The following RBPJ variants were observed in gnomAD, a reference collection of about 807,000 sequenced individuals.
RBPJ encodes recombining binding protein suppressor of hairless.
In RBPJ, 9 loss-of-function variants were observed where a neutral mutation model predicts 67.8. The observed-to-expected ratio is 0.13, with a 90% CI of 0.08 to 0.23. The LOEUF (loss-of-function observed/expected upper bound fraction) is 0.23, where lower values mean the gene tolerates loss of function less well. Among genes scored for constraint, RBPJ ranks in the 10% least tolerant of loss-of-function variants. The pLI is 1.00. For synonymous variants in RBPJ, 198 were observed against 203.3 expected, an observed-to-expected ratio of 0.97 and a Z score of 0.22; for missense variants, 305 against 595.6, an observed-to-expected ratio of 0.51 and a Z score of 5.08.
chr4:26,244,260 TA>T (rs2109224043), intron 1 of RBPJ, among the ~76,000 whole-genome samples: 1 of 134,386 alleles, frequency 7.4e-6, no homozygotes, highest in African/African-American at 2.8e-5. Context: ...CACATACACA[TA>T]TGTGTACACA....
intron 1 of RBPJ, among the ~76,000 whole-genome samples, chr4:26,371,157 A>G (rs1443298822): frequency 6.6e-6 from 1 of 152,174 alleles, no homozygotes; most frequent in African/African-American, 2.4e-5. Context: ...CTTAAACATT[A>G]CAGATCAGTT....
intron 4 of RBPJ, 45 bp from the exon 5 acceptor site, chr4:26,420,502 TAAAC>T (rs776872948): frequency 1.8e-5 from 26 of 1,410,014 alleles, no homozygotes; most frequent in Non-Finnish European, 2.5e-5. Context: ...AGGTACTACA[TAAAC>T]AAACAAGGTT....
At chr4:26,386,159 A>G (rs566589923) in intron 1 of RBPJ, among the ~76,000 whole-genome samples, 194 bp from the exon 2 acceptor site, 1 of 152,214 alleles carries the variant, frequency 6.6e-6, no homozygotes, top group East Asian at 1.9e-4. Context: ...TACTTAGGGC[A>G]TGTTGTTTGC....
At chr4:26,338,241 T>C (rs13148482) in intron 1 of RBPJ, among the ~76,000 whole-genome samples, 74,057 of 147,236 alleles carry the variant, frequency 0.5, 18,832 homozygotes, top group Admixed American at 0.57. Context: ...CTGCAACCTC[T>C]GCCTCCCGGA....
chr4:26,244,393 G>A (rs200281174), intron 1 of RBPJ, among the ~76,000 whole-genome samples: 1 of 111,240 alleles, frequency 9.0e-6, no homozygotes, highest in Non-Finnish European at 1.9e-5. Context: ...GTGTATATAT[G>A]TATGCACATA....
chr4:26,307,042 A>G (rs987784402), intron 1 of RBPJ, among the ~76,000 whole-genome samples: 1 of 152,190 alleles, frequency 6.6e-6, no homozygotes, highest in Non-Finnish European at 1.5e-5. Flanking sequence ...AATAATAAAA[A>G]TAATTTAAAT....
At chr4:26,302,056 G>A (rs1162113841) in intron 1 of RBPJ, among the ~76,000 whole-genome samples, 2 of 152,200 alleles carry the variant, frequency 1.3e-5, no homozygotes, top group East Asian at 1.9e-4. Flanking sequence ...GCCTCCCAAA[G>A]TGCTGAGATT....
At chr4:26,164,160 G>A (rs1468734445) in intron 1 of RBPJ, among the ~76,000 whole-genome samples, 1 of 152,166 alleles carries the variant, frequency 6.6e-6, no homozygotes, top group African/African-American at 2.4e-5. Context: ...CTCACCGCTG[G>A]GATTTTCAGG....
chr4:26,155,334 T>C, the RBPJ span, among the ~76,000 whole-genome samples: 1 of 152,306 alleles, frequency 6.6e-6, no homozygotes, highest in East Asian at 1.9e-4. Context: ...CCTTCATGGC[T>C]GAGGTGGGGA....
chr4:26,172,452 C>A (rs1356533982), intron 1 of RBPJ, among the ~76,000 whole-genome samples: 1 of 152,148 alleles, frequency 6.6e-6, no homozygotes, highest in Non-Finnish European at 1.5e-5. Context: ...AGCAGCAATC[C>A]CCTCTGTCTC....
At chr4:26,225,233 G>A (rs1276494414) in intron 1 of RBPJ, among the ~76,000 whole-genome samples, 1 of 152,196 alleles carries the variant, frequency 6.6e-6, no homozygotes, top group Non-Finnish European at 1.5e-5. Context: ...AGAGTGGGCT[G>A]TACTGATTAA....
At chr4:26,387,921 T>C (rs1405863410) in intron 2 of RBPJ, among the ~76,000 whole-genome samples, 1 of 152,110 alleles carries the variant, frequency 6.6e-6, no homozygotes, top group African/African-American at 2.4e-5. Context: ...TGATGCTCTG[T>C]TTTCACTGGC....
intron 1 of RBPJ, among the ~76,000 whole-genome samples, chr4:26,203,067 C>G (rs1195808900): frequency 6.6e-6 from 1 of 152,158 alleles, no homozygotes; most frequent in Non-Finnish European, 1.5e-5. Flanking sequence ...ACCTCCACCG[C>G]TGGGTCAACC....
the RBPJ span, among the ~76,000 whole-genome samples, chr4:26,141,225 G>A: frequency 6.6e-6 from 1 of 152,228 alleles, no homozygotes; most frequent in South Asian, 2.1e-4. Flanking sequence ...ATTTGCTCTT[G>A]CAGTTGTTAT....
chr4:26,179,467 T>G (rs192074718), intron 1 of RBPJ, among the ~76,000 whole-genome samples: 2 of 152,036 alleles, frequency 1.3e-5, no homozygotes. Context: ...TAGAGTAATA[T>G]GAATAAGTGA....
intron 1 of RBPJ, among the ~76,000 whole-genome samples, chr4:26,194,945 G>A (rs1250237472): frequency 2.0e-5 from 3 of 152,192 alleles, no homozygotes; most frequent in Admixed American, 6.5e-5. Flanking sequence ...CCAGGTTCCT[G>A]TATGGTGATG....
chr4:26,352,634 C>T (rs574006529), intron 1 of RBPJ, among the ~76,000 whole-genome samples: 7 of 152,298 alleles, frequency 4.6e-5, no homozygotes, highest in East Asian at 1.9e-4. Flanking sequence ...ACCTGGGAGG[C>T]GGAGGTTGCA....
At chr4:26,241,069 C>A (rs1211281665) in intron 1 of RBPJ, among the ~76,000 whole-genome samples, 3 of 152,076 alleles carry the variant, frequency 2.0e-5, no homozygotes, top group African/African-American at 7.2e-5. Context: ...TGGTGGTGTG[C>A]ACCTGTGGTC....
At chr4:26,213,521 AT>A (rs1297276918) in intron 1 of RBPJ, among the ~76,000 whole-genome samples, 2 of 152,204 alleles carry the variant, frequency 1.3e-5, no homozygotes, top group African/African-American at 2.4e-5. Flanking sequence ...AGATGAGAAG[AT>A]TAGAAGAACA....
Sources: gnomAD v4.1 joint callset for allele counts (sites outside exome capture counted in the v4.1 genomes callset) on GRCh38, gnomAD v4.1.1 for gene constraint, MANE v1.5 for transcripts, NCBI Gene and HGNC (gene_info 2026-07-23, HGNC 2026-07-21) for gene names.